WDR64: variants seen among roughly 807,000 people sequenced by gnomAD.
WDR64 encodes WD repeat domain 64, also known as WD repeat-containing protein 64.
WDR64 carries 112 observed loss-of-function variants against 139.3 expected under a neutral mutation model. The observed-to-expected ratio is 0.80, with a 90% CI of 0.69 to 0.94. WDR64 has a LOEUF of 0.94. Ranked by LOEUF, WDR64 falls within the 40% of genes least tolerant of loss-of-function variation. The pLI is 0.00. For synonymous variants in WDR64, 444 were observed against 437.7 expected (o/e 1.01, Z -0.18); for missense variants, 1,206 against 1,293.1 (o/e 0.93, Z 1.03).
chr1:241,680,467 A>C (rs1666736537), intron 6 of WDR64, among the ~76,000 whole-genome samples: 1 of 152,118 alleles, frequency 6.6e-6, no homozygotes, highest in Non-Finnish European at 1.5e-5. Flanking sequence ...AAACTCCAAG[A>C]TCCTGAACTT....
intron 19 of WDR64, among the ~76,000 whole-genome samples, chr1:241,772,539 T>C (rs1327789696): frequency 7.3e-6 from 1 of 136,390 alleles, no homozygotes; most frequent in Non-Finnish European, 1.5e-5. Context: ...CTCAGCTCAC[T>C]GCAACCTCTG....
chr1:241,742,243 T>C (rs1317188244), intron 12 of WDR64, among the ~76,000 whole-genome samples: 1 of 143,868 alleles, frequency 7.0e-6, no homozygotes, highest in Non-Finnish European at 1.5e-5. Context: ...ATGCCCTTTC[T>C]GCTGCATTTC....
intron 13 of WDR64, among the ~76,000 whole-genome samples, chr1:241,747,177 GAA>G (rs1669793936): frequency 6.6e-6 from 1 of 152,208 alleles, no homozygotes; most frequent in East Asian, 1.9e-4. Context: ...TGGTGACTAT[GAA>G]GGTTAGCACA....
chr1:241,726,903 T>TTTA (rs1668864054), intron 10 of WDR64, among the ~76,000 whole-genome samples: 1 of 151,964 alleles, frequency 6.6e-6, no homozygotes, highest in Non-Finnish European at 1.5e-5. Context: ...TTTTTTTTTT[T>TTTA]GAGACGAAGT....
rs544401027 is a variant in WDR64, at chr1:241,674,256, C to CTTTT, written c.380-387_380-384dup. ...AAGCTGGCTGTTTATCTTTTTTTTT[C>CTTTT]TTTTCTTTTTTTTTTTTTTTGAGAC... On this transcript the variant is annotated intron_variant, in intron 3 of 27. Transcript: ENST00000437684. Among the ~76,000 whole-genome samples the CTTTT allele has an allele frequency of 5.2e-3, 633 of 121,238 alleles. 62 individuals are homozygous for CTTTT. Among genetic ancestry groups the CTTTT allele is most frequent in the Non-Finnish European group, 5.9e-3 (348 of 58,872 alleles). 79.5% of individuals were successfully genotyped at this position (121,238 alleles called of 152,430 possible).
intron 7 of WDR64, among the ~76,000 whole-genome samples, chr1:241,684,323 C>T (rs1025068762): frequency 6.6e-6 from 1 of 152,106 alleles, no homozygotes; most frequent in African/African-American, 2.4e-5. Context: ...CAAACATGTG[C>T]ACACAGTACA....
intron 14 of WDR64, among the ~76,000 whole-genome samples, chr1:241,750,257 C>T (rs1669929458): frequency 6.6e-6 from 1 of 152,148 alleles, no homozygotes; most frequent in African/African-American, 2.4e-5. Context: ...TGCTAATGCC[C>T]TCTTCAAATT....
chr1:241,769,377 C>T (rs1387626666), intron 16 of WDR64, 27 bp from the exon 17 acceptor site: 4 of 1,534,124 alleles, frequency 2.6e-6, no homozygotes, highest in South Asian at 2.4e-5. Flanking sequence ...TGAATTTTTT[C>T]TCATATAAAT....
chr1:241,779,853 A>AATGAAT, intron 21 of WDR64, 151 bp from the exon 22 acceptor site: 1 of 557,252 alleles, frequency 1.8e-6, no homozygotes, highest in Non-Finnish European at 3.1e-6. Flanking sequence ...AATAAATAAA[A>AATGAAT]ATGAATATGA....
intron 14 of WDR64, among the ~76,000 whole-genome samples, chr1:241,756,813 C>G (rs72770222): frequency 6.6e-6 from 1 of 152,024 alleles, no homozygotes; most frequent in African/African-American, 2.4e-5. Flanking sequence ...AAATTGGCAT[C>G]CTGAACATCC....
chr1:241,796,191 T>A, intron 26 of WDR64, 66 bp from the exon 27 acceptor site: 1 of 1,182,306 alleles, frequency 8.5e-7, no homozygotes, highest in Non-Finnish European at 1.2e-6. Context: ...TCATCCCAAC[T>A]CCTGAATTCA....
At chr1:241,671,234 T>C (rs1666214949) in intron 3 of WDR64, 58 bp downstream of exon 3, 2 of 1,111,604 alleles carry the variant, frequency 1.8e-6, no homozygotes, top group Admixed American at 2.2e-5. Flanking sequence ...TCCTCAAGAA[T>C]ACTGGAACTA....
chr1:241,724,999 C>T (rs1668745785), intron 10 of WDR64, among the ~76,000 whole-genome samples: 1 of 152,028 alleles, frequency 6.6e-6, no homozygotes, highest in African/African-American at 2.4e-5. Context: ...GCCTGCCTCC[C>T]TATACTCATA....
intron 2 of WDR64, among the ~76,000 whole-genome samples, chr1:241,667,040 C>G (rs1666048783): frequency 6.6e-6 from 1 of 152,132 alleles, no homozygotes; most frequent in Non-Finnish European, 1.5e-5. Flanking sequence ...TTGGCACTAT[C>G]CCCACAAAAA....
chr1:241,674,262 T>TC (rs1260813429), intron 3 of WDR64, among the ~76,000 whole-genome samples: 3 of 119,570 alleles, frequency 2.5e-5, no homozygotes, highest in African/African-American at 7.0e-5. Flanking sequence ...TTTTCTTTTC[T>TC]TTTTTTTTTT....
At chr1:241,672,327 A>G (rs951943715) in intron 3 of WDR64, among the ~76,000 whole-genome samples, 3 of 152,186 alleles carry the variant, frequency 2.0e-5, no homozygotes, top group African/African-American at 7.2e-5. Context: ...ACACACACAC[A>G]CACACAGACA....
chr1:241,786,354 T>C (rs1264100631), intron 23 of WDR64, among the ~76,000 whole-genome samples: 1 of 152,200 alleles, frequency 6.6e-6, no homozygotes, highest in Non-Finnish European at 1.5e-5. Context: ...ATGATTGCCA[T>C]CATTTGCCAC....
At chr1:241,727,848 T>G (rs1434374543) in intron 10 of WDR64, among the ~76,000 whole-genome samples, 1 of 151,702 alleles carries the variant, frequency 6.6e-6, no homozygotes, top group Admixed American at 6.6e-5. Flanking sequence ...AAAACCAGCC[T>G]AGGCAAAATA....
chr1:241,674,880 T>TCC (rs1666416573), intron 4 of WDR64, 133 bp downstream of exon 4: 1 of 124,164 alleles, frequency 8.1e-6, no homozygotes. Context: ...CTTTCTTTCT[T>TCC]TCCTTCTTGC....
Sources: allele counts gnomAD v4.1 joint callset (sites outside exome capture counted in the v4.1 genomes callset), GRCh38; gene constraint gnomAD v4.1.1; transcripts MANE v1.5; gene names NCBI Gene and HGNC (gene_info 2026-07-23, HGNC 2026-07-21).